Variants in IGFBP7 observed in about 807,000 individuals in gnomAD.
The protein encoded by IGFBP7 is insulin-like growth factor-binding protein 7.
In IGFBP7, 31 loss-of-function variants were observed where a neutral mutation model predicts 29.4. The ratio of observed to expected loss-of-function variants is 1.05; its 90% CI spans 0.79 to 1.42. The LOEUF (loss-of-function observed/expected upper bound fraction) is 1.42, where lower values mean the gene tolerates loss of function less well. Among genes scored for constraint, IGFBP7 ranks in the 40% most tolerant of loss-of-function variants. The probability of loss-of-function intolerance (pLI) is 0.00; values close to 1 mark genes in which losing one functional copy is unlikely to be tolerated. For missense variants in IGFBP7, 393 were observed against 395.5 expected, an observed-to-expected ratio of 0.99 and a Z score of 0.05; for synonymous variants, 172 against 174.9, an observed-to-expected ratio of 0.98 and a Z score of 0.13.
chr4:57,099,889 CAA>C (rs1725852655), intron 1 of IGFBP7, among the ~76,000 whole-genome samples: 2 of 151,964 alleles, frequency 1.3e-5, no homozygotes, highest in South Asian at 4.2e-4. Flanking sequence ...ACAACCAAGC[CAA>C]GCTAATTTTG....
At chr4:57,043,021 G>A (rs1560491727) in intron 1 of IGFBP7, among the ~76,000 whole-genome samples, 2 of 152,204 alleles carry the variant, frequency 1.3e-5, no homozygotes, top group Admixed American at 6.5e-5. Flanking sequence ...AACAGATACC[G>A]AGAGAGCGGG....
chr4:57,073,593 CAA>C (rs33959236), intron 1 of IGFBP7, among the ~76,000 whole-genome samples: 105,472 of 148,220 alleles, frequency 0.71, 37,839 homozygotes, highest in East Asian at 0.88. Flanking sequence ...GACCCTGACT[CAA>C]AAAAAAAAAA....
At chr4:57,063,542 G>A (rs1724847172) in intron 1 of IGFBP7, among the ~76,000 whole-genome samples, 1 of 152,230 alleles carries the variant, frequency 6.6e-6, no homozygotes, top group Non-Finnish European at 1.5e-5. Context: ...ACCATTCCAA[G>A]AAACTGGCTT....
intron 1 of IGFBP7, among the ~76,000 whole-genome samples, chr4:57,051,546 G>A (rs1724502201): frequency 6.6e-6 from 1 of 152,352 alleles, no homozygotes; most frequent in Non-Finnish European, 1.5e-5. Flanking sequence ...TAGGGCAAAA[G>A]TGTGTAAGAA....
At chr4:57,042,665 GA>G (rs536015176) in intron 1 of IGFBP7, among the ~76,000 whole-genome samples, 1 of 151,974 alleles carries the variant, frequency 6.6e-6, no homozygotes, top group Non-Finnish European at 1.5e-5. Flanking sequence ...TCAAATGGTT[GA>G]AAAAAAATTA....
At position 57,033,310 on chromosome 4, in the gene IGFBP7, A is replaced by C. The variant is rs748969096; in HGVS notation, c.587T>G (p.Val196Gly). 1 of 1,603,304 alleles carries C rather than the reference A, an allele frequency of 6.2e-7. No individual in the cohort carries two copies. The highest frequency in any genetic ancestry group is 8.5e-7 in the Non-Finnish European group (1 of 1,170,224). Residue 196 changes from valine to glycine, a missense_variant and splice_region_variant, in exon 3 of 5, where the codon GTA becomes GGA. By Grantham distance (109) the Val-to-Gly change is moderately radical. Coordinates refer to ENST00000295666, the MANE Select transcript of IGFBP7 (RefSeq NM_001553.3). ...IPTPVLIWNK[V>G]KRGHYGVQRT... The stretch of plus-strand genomic sequence containing the variant: ...TTGAACTCCATAGTGACCCCTTTTT[A>C]CCTGCAAAAACAAAAGGAGAGTAAT...
intron 1 of IGFBP7, among the ~76,000 whole-genome samples, chr4:57,059,334 T>G (rs1724741714): frequency 6.6e-6 from 1 of 152,110 alleles, no homozygotes; most frequent in Non-Finnish European, 1.5e-5. Flanking sequence ...AGCAAAGACA[T>G]GGGATCAACG....
chr4:57,039,509 T>C (rs1466390990), intron 2 of IGFBP7, among the ~76,000 whole-genome samples: 1 of 152,098 alleles, frequency 6.6e-6, no homozygotes, highest in Non-Finnish European at 1.5e-5. Context: ...AGGCTGGGGA[T>C]ACTGCTAAAC....
chr4:57,106,604 T>C (rs1560511009), intron 1 of IGFBP7, among the ~76,000 whole-genome samples: 1 of 152,164 alleles, frequency 6.6e-6, no homozygotes, highest in African/African-American at 2.4e-5. Context: ...TTGAACTTGG[T>C]CCTAAAGGTA....
At chr4:57,046,256 A>G (rs1438123163) in intron 1 of IGFBP7, among the ~76,000 whole-genome samples, 2 of 152,070 alleles carry the variant, frequency 1.3e-5, no homozygotes, top group African/African-American at 4.8e-5. Context: ...CACACATTCC[A>G]TTGATCAGCA....
At chr4:57,045,553 C>T (rs961690275) in intron 1 of IGFBP7, among the ~76,000 whole-genome samples, 8 of 152,006 alleles carry the variant, frequency 5.3e-5, no homozygotes, top group East Asian at 1.9e-4. Flanking sequence ...TACATGGAGG[C>T]GGGTTGGCCT....
At chr4:57,080,790 T>C (rs547544425) in intron 1 of IGFBP7, among the ~76,000 whole-genome samples, 2 of 152,316 alleles carry the variant, frequency 1.3e-5, no homozygotes, top group East Asian at 3.9e-4. Flanking sequence ...ATCCAGGAAA[T>C]GTCAGGAGAC....
chr4:57,049,210 C>T (rs753208105), intron 1 of IGFBP7, among the ~76,000 whole-genome samples: 1 of 152,084 alleles, frequency 6.6e-6, no homozygotes. Flanking sequence ...TCTGAAAGAG[C>T]TGTGTAGAAG....
At chr4:57,034,373 G>A (rs998679390) in intron 2 of IGFBP7, among the ~76,000 whole-genome samples, 14 of 151,644 alleles carry the variant, frequency 9.2e-5, no homozygotes, top group African/African-American at 9.7e-5. Context: ...AAGGATATAC[G>A]AATTGTTTGT....
intron 1 of IGFBP7, among the ~76,000 whole-genome samples, chr4:57,074,185 C>T (rs750663745): frequency 3.3e-5 from 5 of 152,128 alleles, no homozygotes; most frequent in South Asian, 2.1e-4. Flanking sequence ...CTCAGCCTCC[C>T]GAGTAGCTGG....
chr4:57,041,515 A>T (rs964314102), intron 1 of IGFBP7, among the ~76,000 whole-genome samples: 6 of 151,958 alleles, frequency 3.9e-5, no homozygotes, highest in African/African-American at 1.4e-4. Context: ...ATTGGAAGGG[A>T]CATCTTTATT....
At chr4:57,084,477 A>G (rs1018895469) in intron 1 of IGFBP7, among the ~76,000 whole-genome samples, 23 of 152,226 alleles carry the variant, frequency 1.5e-4, no homozygotes, top group Non-Finnish European at 3.2e-4. Flanking sequence ...ATGTTTATGC[A>G]TTATACTATT....
At chr4:57,038,706 T>A (rs896129060) in intron 2 of IGFBP7, among the ~76,000 whole-genome samples, 21 of 152,174 alleles carry the variant, frequency 1.4e-4, no homozygotes, top group African/African-American at 4.8e-4. Context: ...TAGCATGAGT[T>A]TGATAATTTT....
At chr4:57,053,439 T>C (rs375966994) in intron 1 of IGFBP7, among the ~76,000 whole-genome samples, 64 of 152,138 alleles carry the variant, frequency 4.2e-4, no homozygotes, top group African/African-American at 1.5e-3. Flanking sequence ...TTCTGGTACA[T>C]GTGGTCTGGT....
Sources: allele counts gnomAD v4.1 joint callset (sites outside exome capture counted in the v4.1 genomes callset), GRCh38; gene constraint gnomAD v4.1.1; transcripts MANE v1.5; gene names NCBI Gene and HGNC (gene_info 2026-07-23, HGNC 2026-07-21).